Variants in GPATCH1 observed in about 807,000 individuals in gnomAD.
GPATCH1 encodes G patch domain-containing protein 1.
A neutral mutation model predicts 114.9 loss-of-function variants in GPATCH1; 73 were observed. That is an observed-to-expected ratio of 0.64 (90% CI 0.53 to 0.77). The LOEUF is 0.77. Ranked by LOEUF, GPATCH1 falls within the 30% of genes least tolerant of loss-of-function variation. The pLI is 0.00. For missense variants in GPATCH1, 1,058 were observed against 1,144.3 expected (o/e 0.92, Z 1.09); for synonymous variants, 391 against 428.4 (o/e 0.91, Z 1.08).
chr19:33,095,925 A>G (rs1972652952), intron 6 of GPATCH1, 105 bp downstream of exon 6: 4 of 838,782 alleles, frequency 4.8e-6, no homozygotes, highest in Non-Finnish European at 4.2e-6. Flanking sequence ...TCCAATAACT[A>G]TACAGTTAAA....
intron 10 of GPATCH1, 135 bp downstream of exon 10, chr19:33,107,034 T>C: frequency 1.5e-6 from 1 of 649,904 alleles, no homozygotes; most frequent in Non-Finnish European, 2.7e-6. Flanking sequence ...CCACTATTTA[T>C]TGTAAATGGC....
chr19:33,111,913 AC>A lies in GPATCH1; in HGVS notation c.1764+13del. 2.5e-6 allele frequency: 4 copies of A among 1,603,952 alleles called. No homozygotes were observed. The highest frequency in any genetic ancestry group is 3.4e-6 in the Non-Finnish European group (4 of 1,171,226). On this transcript the variant is annotated intron_variant, in intron 12 of 19. Transcript: ENST00000170564. Reference sequence around the variant, plus strand: ...CCTCGAGACCAAGAGGTCTGTTGTCACCATGTCCCTTACCTGGTGAACTTTA... The same window carrying A: ...CCTCGAGACCAAGAGGTCTGTTGTCACATGTCCCTTACCTGGTGAACTTTA...
intron 10 of GPATCH1, among the ~76,000 whole-genome samples, chr19:33,108,393 G>A (rs907969720): frequency 1.3e-5 from 2 of 151,984 alleles, no homozygotes; most frequent in East Asian, 1.9e-4. Context: ...ACAGTGTAGC[G>A]TCTTCCTCCT....
At position 33,109,708 on chromosome 19, in the gene GPATCH1, T is replaced by TCTAA. The variant is rs771978029; in HGVS notation, c.1286-9_1286-8insCTAA. 6.5e-7 allele frequency: 1 copy of TCTAA among 1,530,934 alleles called. No individual in the cohort carries two copies. The highest frequency in any genetic ancestry group is 2.1e-5 in the Admixed American group (1 of 47,498). 94.8% of individuals were successfully genotyped at this position (1,530,934 alleles called of 1,614,324 possible). On this transcript the variant is annotated splice_polypyrimidine_tract_variant and intron_variant, in intron 10 of 19. Transcript: ENST00000170564. ...CTTTTCATCTCTTCTAATTACTGTT[T>TCTAA]TTATTTAGGTTCAGCTACTTCAGTG...
intron 2 of GPATCH1, 74 bp downstream of exon 2, chr19:33,088,342 C>A: frequency 1.1e-6 from 1 of 871,066 alleles, no homozygotes. Context: ...CTCACCCTTG[C>A]TTTTTTTTTT....
chr19:33,093,547 T>C (rs1357172062), intron 4 of GPATCH1, 28 bp downstream of exon 4: 1 of 1,592,774 alleles, frequency 6.3e-7, no homozygotes, highest in Admixed American at 1.8e-5. Context: ...ACTGTCATGA[T>C]CTTAGCACCG....
chr19:33,108,331 G>A (rs1350485001), intron 10 of GPATCH1, among the ~76,000 whole-genome samples: 1 of 151,994 alleles, frequency 6.6e-6, no homozygotes, highest in Non-Finnish European at 1.5e-5. Context: ...GTGCGGCCCC[G>A]CCCCTGCCCG....
rs1055207029 is a variant in GPATCH1 at position 33,097,747 on chromosome 19, T to C, written c.853-8T>C. ...CTGTGCTCAGTTTGAAACCTTGTTT[T>C]TTTAAAGGCTTTTGGTGTAGGTGCC... On this transcript the variant is annotated splice_region_variant and splice_polypyrimidine_tract_variant and intron_variant, in intron 7 of 19. Transcript: ENST00000170564. 1 of 1,613,770 alleles carries C rather than the reference T, an allele frequency of 6.2e-7. No homozygotes were observed. Among genetic ancestry groups the C allele is most frequent in the Non-Finnish European group, 8.5e-7 (1 of 1,179,720 alleles).
In GPATCH1 at chr19:33,117,974, C is replaced by G; in HGVS notation, c.2346C>G (p.Gly782=). 1 of 1,613,886 alleles carries G rather than the reference C, an allele frequency of 6.2e-7. No individual in the cohort carries two copies. Among genetic ancestry groups the G allele is most frequent in the Non-Finnish European group, 8.5e-7 (1 of 1,179,980 alleles). Residue 782 remains glycine (G), a synonymous_variant, in exon 16 of 20, where the codon GGC becomes GGG. Transcript: ENST00000170564. The part of the protein sequence containing the change: ...EQGDSEDDQA[G]SGEANFQSSQ... ...GTGACAGTGAAGATGATCAGGCAGG[C>G]TCTGGGGAGGCCAACTTCCAAAGCT...
At chr19:33,122,635 T>G (rs1312841575) in intron 17 of GPATCH1, among the ~76,000 whole-genome samples, 1 of 152,176 alleles carries the variant, frequency 6.6e-6, no homozygotes, top group Middle Eastern at 3.2e-3. Flanking sequence ...CTCTTTAGTT[T>G]CAAACTGGTA....
chr19:33,089,261 C>G (rs998922630), intron 2 of GPATCH1, among the ~76,000 whole-genome samples: 2 of 152,146 alleles, frequency 1.3e-5, no homozygotes, highest in Non-Finnish European at 2.9e-5. Flanking sequence ...CACCAAGGGT[C>G]AGAGAGGTTA....
In GPATCH1 at chr19:33,095,796, C is replaced by A; in HGVS notation, c.588C>A (p.Pro196=). Residue 196 remains proline, a synonymous_variant, in exon 6 of 20, where the codon CCC becomes CCA. Transcript: ENST00000170564. The part of the protein sequence containing the change: ...PGVKIYGCAL[P]PGSSEGSEGE... ...TCAAAATCTATGGCTGTGCATTACC[C>A]CCTGGAAGCTCGGAAGGATCTGAGG... 1 of 1,611,188 alleles carries A rather than the reference C, an allele frequency of 6.2e-7. No individual in the cohort carries two copies. Among genetic ancestry groups the A allele is most frequent in the Non-Finnish European group, 8.5e-7 (1 of 1,177,468 alleles).
At chr19:33,088,659 T>C (rs1425110956) in intron 2 of GPATCH1, among the ~76,000 whole-genome samples, 15 of 50,672 alleles carry the variant, frequency 3.0e-4, no homozygotes, top group Non-Finnish European at 4.2e-4. Context: ...CCACCTTTGC[T>C]TTTTTTTTTT....
intron 4 of GPATCH1, 79 bp downstream of exon 4, chr19:33,093,598 T>C: frequency 7.7e-7 from 1 of 1,303,040 alleles, no homozygotes. Context: ...AGGGATAGTT[T>C]GATTGCAAGT....
Position 33,081,276 on chromosome 19 carries a change from G to T in GPATCH1, c.73+10G>T. ...GAGCCTCTGGAAGAAGGTGCGGGCCGCGTGGGCCGGCGGAGCCTGTGGAAA... is the reference window on the plus strand; with the variant it reads ...GAGCCTCTGGAAGAAGGTGCGGGCCTCGTGGGCCGGCGGAGCCTGTGGAAA... On this transcript the variant is annotated intron_variant, in intron 1 of 19. Coordinates refer to ENST00000170564, the MANE Select transcript of GPATCH1 (RefSeq NM_018025.3). 1.9e-6 allele frequency: 3 copies of T among 1,548,872 alleles called. No homozygotes were observed. Among genetic ancestry groups the T allele is most frequent in the Non-Finnish European group, 1.7e-6 (2 of 1,144,550 alleles).
chr19:33,129,949 G>GA (rs59303077), intron 19 of GPATCH1, among the ~76,000 whole-genome samples, 181 bp from the exon 20 acceptor site: 55,178 of 139,622 alleles, frequency 0.4, 14,384 homozygotes, highest in African/African-American at 0.74. Flanking sequence ...CATCTCGGGG[G>GA]AAAAAAAAAA....
intron 9 of GPATCH1, among the ~76,000 whole-genome samples, chr19:33,105,368 C>T (rs1225698149): frequency 7.1e-6 from 1 of 141,504 alleles, no homozygotes; most frequent in Non-Finnish European, 1.5e-5. Flanking sequence ...GCTGAGATTG[C>T]ACCACTGCAC....
chr19:33,108,992 G>A (rs1046061303), intron 10 of GPATCH1, among the ~76,000 whole-genome samples: 1 of 152,094 alleles, frequency 6.6e-6, no homozygotes, highest in African/African-American at 2.4e-5. Flanking sequence ...GGCCAAGGTG[G>A]GATGATCTCT....
chr19:33,102,333 A>G (rs1972736375), intron 9 of GPATCH1, among the ~76,000 whole-genome samples: 1 of 152,010 alleles, frequency 6.6e-6, no homozygotes. Flanking sequence ...AAAACTCCGT[A>G]TCGAAAAGAA....
Sources: gnomAD v4.1 joint callset for allele counts (sites outside exome capture counted in the v4.1 genomes callset) on GRCh38, gnomAD v4.1.1 for gene constraint, MANE v1.5 for transcripts, NCBI Gene and HGNC (gene_info 2026-07-23, HGNC 2026-07-21) for gene names.